PDK1: variants seen among roughly 807,000 people sequenced by gnomAD.
The protein encoded by PDK1 is [Pyruvate dehydrogenase (acetyl-transferring)] kinase isozyme 1, mitochondrial.
Under a neutral mutation model 54.2 loss-of-function variants are expected in PDK1, and 39 were observed. That is an observed-to-expected ratio of 0.72 (90% confidence interval 0.56 to 0.94). The LOEUF (loss-of-function observed/expected upper bound fraction) is 0.94, where lower values mean the gene tolerates loss of function less well. PDK1 is among the 40% of genes least tolerant of loss of function. The pLI is 0.00. For synonymous variants in PDK1, 221 were observed against 207.1 expected, an observed-to-expected ratio of 1.07 and a Z score of -0.58; for missense variants, 552 against 566.0, an observed-to-expected ratio of 0.98 and a Z score of 0.25.
the PDK1 span, among the ~76,000 whole-genome samples, chr2:172,711,611 T>C: frequency 6.6e-6 from 1 of 152,126 alleles, no homozygotes; most frequent in Non-Finnish European, 1.5e-5. Context: ...ACACCTGTAA[T>C]CCCAGAACTT....
chr2:172,562,090 A>G, intron 2 of PDK1, 130 bp from the exon 3 acceptor site: 1 of 549,896 alleles, frequency 1.8e-6, no homozygotes, highest in Non-Finnish European at 3.2e-6. Context: ...ATTATACTTC[A>G]ACCATAATTT....
the PDK1 span, among the ~76,000 whole-genome samples, chr2:172,713,478 C>G: frequency 6.6e-6 from 1 of 152,196 alleles, no homozygotes. Flanking sequence ...GCCCACAGTG[C>G]CCCCTTGGCC....
chr2:172,717,137 A>G, the PDK1 span, among the ~76,000 whole-genome samples: 1 of 152,178 alleles, frequency 6.6e-6, no homozygotes, highest in South Asian at 2.1e-4. Flanking sequence ...ATGGTATCTC[A>G]CATCCAAGAC....
At chr2:172,668,674 A>C in the PDK1 span, among the ~76,000 whole-genome samples, 1 of 151,186 alleles carries the variant, frequency 6.6e-6, no homozygotes, top group Non-Finnish European at 1.5e-5. Flanking sequence ...TGTTTTATTG[A>C]TTGGCCACCA....
the PDK1 span, among the ~76,000 whole-genome samples, chr2:172,664,346 C>T: frequency 7.9e-6 from 1 of 126,848 alleles, no homozygotes; most frequent in Admixed American, 8.5e-5. Flanking sequence ...CATTGCCTTG[C>T]TTTATATGTT....
chr2:172,670,043 G>A, the PDK1 span, among the ~76,000 whole-genome samples: 1 of 151,794 alleles, frequency 6.6e-6, no homozygotes, highest in African/African-American at 2.4e-5. Flanking sequence ...TCATTGCCAA[G>A]GCATAGATTT....
chr2:172,619,762 A>G, the PDK1 span, among the ~76,000 whole-genome samples: 1 of 152,228 alleles, frequency 6.6e-6, no homozygotes, highest in Non-Finnish European at 1.5e-5. Flanking sequence ...AAAGGATCAG[A>G]TGATCAAAGT....
chr2:172,706,265 G>C, the PDK1 span, among the ~76,000 whole-genome samples: 1 of 149,506 alleles, frequency 6.7e-6, no homozygotes, highest in Non-Finnish European at 1.5e-5. Context: ...TTTTAGGATT[G>C]CCTTTTTTTT....
At chr2:172,701,629 CTGTTTTTTTTTTTGTTT>C in the PDK1 span, among the ~76,000 whole-genome samples, 212 of 69,224 alleles carry the variant, frequency 3.1e-3, 3 homozygotes, top group African/African-American at 0.011. Flanking sequence ...CTAGTTTATC[CTGTTTTTTTTTTTGTTT>C]TGTTTTTTTT....
the PDK1 span, among the ~76,000 whole-genome samples, chr2:172,712,371 T>C: frequency 3.2e-4 from 48 of 152,346 alleles, no homozygotes; most frequent in African/African-American, 1.2e-3. Context: ...CTTGGGCCGC[T>C]GGGCTCTTTC....
chr2:172,688,411 G>A, the PDK1 span, among the ~76,000 whole-genome samples: 1 of 152,180 alleles, frequency 6.6e-6, no homozygotes, highest in African/African-American at 2.4e-5. Flanking sequence ...CCTTGTGCCA[G>A]GGATTATTGT....
chr2:172,664,412 C>CT, the PDK1 span, among the ~76,000 whole-genome samples: 2 of 132,754 alleles, frequency 1.5e-5, no homozygotes, highest in Admixed American at 7.9e-5. Context: ...GTTATTTGAT[C>CT]TTTTTTCCTG....
At chr2:172,701,669 A>G in the PDK1 span, among the ~76,000 whole-genome samples, 1 of 136,162 alleles carries the variant, frequency 7.3e-6, no homozygotes, top group African/African-American at 2.7e-5. Flanking sequence ...TTTTTGGAAC[A>G]TGAGGGTTCT....
chr2:172,644,837 T>G, the PDK1 span, among the ~76,000 whole-genome samples: 2 of 152,194 alleles, frequency 1.3e-5, no homozygotes, highest in Non-Finnish European at 2.9e-5. Flanking sequence ...AGTATAATAC[T>G]AGCTTTAGCC....
intron 9 of PDK1, among the ~76,000 whole-genome samples, chr2:172,588,339 G>T (rs1241937312): frequency 1.3e-5 from 2 of 152,152 alleles, no homozygotes; most frequent in Non-Finnish European, 2.9e-5. Flanking sequence ...TAAACTCTTT[G>T]GTTCTGTTTC....
chr2:172,566,997 T>C, intron 6 of PDK1, 64 bp downstream of exon 6: 4 of 1,070,174 alleles, frequency 3.7e-6, no homozygotes, highest in Non-Finnish European at 5.6e-6. Flanking sequence ...GGGATAAGAA[T>C]TTAAATGTTT....
chr2:172,705,952 A>C, the PDK1 span, among the ~76,000 whole-genome samples: 1 of 152,226 alleles, frequency 6.6e-6, no homozygotes. Context: ...AGAAGGCTGT[A>C]GATTCTCATG....
At chr2:172,680,602 A>G in the PDK1 span, among the ~76,000 whole-genome samples, 8 of 152,108 alleles carry the variant, frequency 5.3e-5, no homozygotes, top group Admixed American at 5.2e-4. Flanking sequence ...TCCAGGCTTC[A>G]AGCACTTCTC....
intron 6 of PDK1, among the ~76,000 whole-genome samples, chr2:172,567,752 C>G (rs1223544022): frequency 6.6e-6 from 1 of 152,180 alleles, no homozygotes; most frequent in Non-Finnish European, 1.5e-5. Flanking sequence ...TTCCAGATGT[C>G]CCATTTTTGT....
Sources: allele counts gnomAD v4.1 joint callset (sites outside exome capture counted in the v4.1 genomes callset), GRCh38; gene constraint gnomAD v4.1.1; transcripts MANE v1.5; gene names NCBI Gene and HGNC (gene_info 2026-07-23, HGNC 2026-07-21).